The following FBXO11 variants were observed in gnomAD, a reference collection of about 807,000 sequenced individuals.
FBXO11 encodes F-box protein 11.
A neutral mutation model predicts 117.0 loss-of-function variants in FBXO11; 13 were observed. That is an observed-to-expected ratio of 0.11 (90% CI 0.07 to 0.18). The LOEUF is 0.18. Ranked by LOEUF, FBXO11 falls within the 10% of genes least tolerant of loss-of-function variation. The probability of loss-of-function intolerance (pLI) is 1.00; values close to 1 mark genes in which losing one functional copy is unlikely to be tolerated. For synonymous variants in FBXO11, 490 were observed against 380.5 expected, an observed-to-expected ratio of 1.29 and a Z score of -3.35; for missense variants, 767 against 1,164.4, an observed-to-expected ratio of 0.66 and a Z score of 4.97.
chr2:47,841,719 C>T (rs929207374), intron 1 of FBXO11, among the ~76,000 whole-genome samples: 1 of 152,098 alleles, frequency 6.6e-6, no homozygotes, highest in Non-Finnish European at 1.5e-5. Flanking sequence ...CAGCTCACTG[C>T]AACCTCCACC....
At chr2:47,860,310 T>G (rs1674659751) in intron 1 of FBXO11, among the ~76,000 whole-genome samples, 1 of 152,096 alleles carries the variant, frequency 6.6e-6, no homozygotes, top group South Asian at 2.1e-4. Context: ...AGCCAGGGCA[T>G]GAGAAATTGG....
Position 47,832,579 on chromosome 2 carries a change from T to A in FBXO11, c.1253A>T (p.His418Leu). ...CACAAAATTAAAAAATACCTGTGCATGATCTGTTATATATAGTCCAACATT... is the reference window on the plus strand; with the variant it reads ...CACAAAATTAAAAAATACCTGTGCAAGATCTGTTATATATAGTCCAACATT... ...CENVGLYITD[H>L]AQGIYEDNEI... The change falls in exon 10 of 23, where the codon CAT becomes CTT. Residue 418 changes from histidine (H) to leucine (L), a missense_variant. By Grantham distance (99) the His-to-Leu change is moderately conservative (BLOSUM62 -3). This residue lies in a region of FBXO11 where 33 missense variants were observed against 66.1 expected (regional missense o/e 0.50). Coordinates refer to ENST00000403359, the MANE Select transcript of FBXO11 (RefSeq NM_001190274.2). 1.2e-6 allele frequency: 2 copies of A among 1,612,432 alleles called. No individual in the cohort carries two copies. Among genetic ancestry groups the A allele is most frequent in the Non-Finnish European group, 1.7e-6 (2 of 1,179,446 alleles).
At chr2:47,825,431 C>A (rs184472176) in intron 11 of FBXO11, among the ~76,000 whole-genome samples, 1 of 152,076 alleles carries the variant, frequency 6.6e-6, no homozygotes, top group Non-Finnish European at 1.5e-5. Context: ...CAAAAAGAGG[C>A]TAGACAAAGA....
chr2:47,847,708 G>C (rs899023843), intron 1 of FBXO11, among the ~76,000 whole-genome samples: 1 of 148,520 alleles, frequency 6.7e-6, no homozygotes, highest in East Asian at 2.1e-4. Context: ...TGTCTCAAAC[G>C]AACAAATAAA....
At chr2:47,876,256 C>T (rs1400450703) in intron 1 of FBXO11, among the ~76,000 whole-genome samples, 2 of 152,164 alleles carry the variant, frequency 1.3e-5, no homozygotes, top group Non-Finnish European at 1.5e-5. Context: ...TATTTTCCAA[C>T]TTTCTTGTTA....
At chr2:47,817,691 G>A (rs1193217039) in intron 16 of FBXO11, among the ~76,000 whole-genome samples, 2 of 152,154 alleles carry the variant, frequency 1.3e-5, no homozygotes, top group South Asian at 2.1e-4. Flanking sequence ...GCCTAATTTC[G>A]ATACTGTTGT....
chr2:47,895,763 G>A (rs926933457), intron 1 of FBXO11, among the ~76,000 whole-genome samples: 17 of 152,074 alleles, frequency 1.1e-4, no homozygotes, highest in African/African-American at 4.1e-4. Context: ...CATGATCTGG[G>A]CTCACTGCAA....
At chr2:47,858,172 C>A (rs1352747273) in intron 1 of FBXO11, among the ~76,000 whole-genome samples, 1 of 151,812 alleles carries the variant, frequency 6.6e-6, no homozygotes. Context: ...GTGGCGTGAT[C>A]TCAGTTCACT....
intron 1 of FBXO11, among the ~76,000 whole-genome samples, chr2:47,851,641 T>C (rs755175140): frequency 1.3e-5 from 2 of 152,248 alleles, no homozygotes; most frequent in South Asian, 2.1e-4. Flanking sequence ...GTAAGTGCCA[T>C]ACCAAGGACA....
At chr2:47,810,927 TAACA>T (rs1380925465) in intron 18 of FBXO11, 1 of 152,336 alleles carries the variant, frequency 6.6e-6, no homozygotes, top group Non-Finnish European at 1.5e-5. Context: ...CCTCTTTCTC[TAACA>T]AACTACTTTC....
chr2:47,826,363 C>G (rs981573107), intron 11 of FBXO11, among the ~76,000 whole-genome samples: 1 of 152,088 alleles, frequency 6.6e-6, no homozygotes, highest in East Asian at 1.9e-4. Flanking sequence ...AGCTGATCCA[C>G]AAGTTTTTTA....
At chr2:47,866,242 C>T (rs1171292587) in intron 1 of FBXO11, among the ~76,000 whole-genome samples, 1 of 111,646 alleles carries the variant, frequency 9.0e-6, no homozygotes, top group Non-Finnish European at 1.7e-5. Context: ...ACCCCTTCTG[C>T]TTCAAAAAAA....
intron 1 of FBXO11, among the ~76,000 whole-genome samples, chr2:47,904,678 G>A (rs536688192): frequency 6.6e-6 from 1 of 151,934 alleles, no homozygotes; most frequent in Non-Finnish European, 1.5e-5. Flanking sequence ...ACTAGGAGAC[G>A]GAGAGTAGCA....
chr2:47,820,132 T>C (rs1039185100), intron 14 of FBXO11, among the ~76,000 whole-genome samples: 1 of 152,216 alleles, frequency 6.6e-6, no homozygotes, highest in Non-Finnish European at 1.5e-5. Flanking sequence ...TATGGCTAAA[T>C]TTAGTCAGCT....
chr2:47,903,304 C>G (rs575601403), intron 1 of FBXO11, among the ~76,000 whole-genome samples: 51 of 152,290 alleles, frequency 3.3e-4, no homozygotes, highest in African/African-American at 1.2e-3. Context: ...CCTCTCTGCT[C>G]TGTGCCAACA....
rs559274013 is a variant in FBXO11 at position 47,820,101 on chromosome 2, T to G, written c.1797+261A>C. On this transcript the variant is annotated intron_variant, in intron 14 of 22. Transcript: ENST00000403359. ...GCCCATATTGCCAATAATAAAGACT[T>G]TAATAAAAAGGTGTTTCTCTTATGG... Among the ~76,000 whole-genome samples the G allele has an allele frequency of 3.3e-5, 5 of 152,252 alleles. No homozygotes were observed. The South Asian group carries it at 1.0e-3, about 32-fold the overall frequency.
intron 1 of FBXO11, among the ~76,000 whole-genome samples, chr2:47,895,657 G>C (rs899414514): frequency 2.0e-4 from 31 of 152,296 alleles, no homozygotes; most frequent in African/African-American, 7.5e-4. Context: ...AAGATTAGCA[G>C]AAATTATTTC....
chr2:47,867,167 T>C (rs1035919866), intron 1 of FBXO11, among the ~76,000 whole-genome samples: 4 of 152,206 alleles, frequency 2.6e-5, no homozygotes, highest in African/African-American at 9.7e-5. Flanking sequence ...ATCAGTCAGA[T>C]AGGCTAGTTT....
Position 47,807,095 on chromosome 2 carries a change from C to T in FBXO11, c.*1023G>A, listed in dbSNP as rs1670263305. ...ACACTTTCAGGCTGTTTTATACCCA[C>T]TGTCACCAATACACATAAATGGGGG... is the stretch of plus-strand genomic sequence containing the variant. On this transcript the variant is annotated 3_prime_UTR_variant, in exon 23 of 23. Coordinates refer to ENST00000403359, the MANE Select transcript of FBXO11 (RefSeq NM_001190274.2). The T allele has an allele frequency of 1.9e-6, 1 of 516,032 alleles. No homozygotes were observed. The allele number at this position is 516,032 out of a possible 1,614,324, so 32.0% of individuals were successfully genotyped here.
Sources: allele counts gnomAD v4.1 joint callset (sites outside exome capture counted in the v4.1 genomes callset), GRCh38; gene constraint gnomAD v4.1.1; regional missense constraint gnomAD v4.1.1; transcripts MANE v1.5; gene names NCBI Gene and HGNC (gene_info 2026-07-23, HGNC 2026-07-21).